Variants in KMT2C observed in about 807,000 individuals in gnomAD.
KMT2C encodes lysine methyltransferase 2C, also known as histone-lysine N-methyltransferase 2C.
KMT2C carries 88 observed loss-of-function variants against 507.9 expected under a neutral mutation model. The ratio of observed to expected loss-of-function variants is 0.17; its 90% CI spans 0.15 to 0.21. KMT2C has a LOEUF of 0.21. Ranked by LOEUF, KMT2C falls within the 10% of genes least tolerant of loss-of-function variation. KMT2C has a pLI of 1.00. For synonymous variants in KMT2C, 2,049 were observed against 2,080.8 expected, an observed-to-expected ratio of 0.98 and a Z score of 0.42; for missense variants, 4,954 against 5,957.8, an observed-to-expected ratio of 0.83 and a Z score of 5.55.
At chr7:152,400,117 G>T (rs2097563277) in intron 1 of KMT2C, among the ~76,000 whole-genome samples, 2 of 132,606 alleles carry the variant, frequency 1.5e-5, no homozygotes, top group Admixed American at 1.4e-4. Context: ...AACCATCCTG[G>T]CTAACAAACA....
At chr7:152,309,290 A>T (rs1178770980) in intron 6 of KMT2C, among the ~76,000 whole-genome samples, 1 of 150,826 alleles carries the variant, frequency 6.6e-6, no homozygotes. Flanking sequence ...AACATACTAC[A>T]TTCCAATGGC....
intron 1 of KMT2C, among the ~76,000 whole-genome samples, chr7:152,386,209 G>GA (rs971685442): frequency 0.081 from 10,895 of 133,940 alleles, 28 homozygotes; most frequent in East Asian, 0.22. Flanking sequence ...TGTTAAAAAA[G>GA]AAAAAAAAAA....
At chr7:152,251,667 T>C (rs1327669339) in intron 11 of KMT2C, among the ~76,000 whole-genome samples, 1 of 152,082 alleles carries the variant, frequency 6.6e-6, no homozygotes, top group Non-Finnish European at 1.5e-5. Flanking sequence ...CTGGGGAACT[T>C]CCACTGTCGG....
intron 1 of KMT2C, among the ~76,000 whole-genome samples, chr7:152,416,427 C>A (rs2097736533): frequency 6.6e-6 from 1 of 152,302 alleles, no homozygotes; most frequent in Non-Finnish European, 1.5e-5. Flanking sequence ...CACCTGTAGT[C>A]CCAGCTACTC....
chr7:152,322,932 C>T (rs756051642), intron 3 of KMT2C, among the ~76,000 whole-genome samples: 4 of 151,998 alleles, frequency 2.6e-5, no homozygotes, highest in Non-Finnish European at 4.4e-5. Context: ...CATCACTACT[C>T]ATTAGGGAAA....
intron 1 of KMT2C, among the ~76,000 whole-genome samples, chr7:152,365,501 G>T (rs1015252138): frequency 6.6e-6 from 1 of 151,946 alleles, no homozygotes; most frequent in South Asian, 2.1e-4. Context: ...GTGAGACCCT[G>T]TCTCAAACAA....
intron 37 of KMT2C, among the ~76,000 whole-genome samples, chr7:152,179,337 G>A (rs1210021504): frequency 2.0e-5 from 3 of 152,236 alleles, no homozygotes; most frequent in African/African-American, 7.2e-5. Context: ...TAGAAATTTG[G>A]AGAGAGGACA....
At chr7:152,197,304 G>C (rs1169373391) in intron 27 of KMT2C, among the ~76,000 whole-genome samples, 1 of 152,168 alleles carries the variant, frequency 6.6e-6, no homozygotes, top group Non-Finnish European at 1.5e-5. Context: ...TGGAACTCTT[G>C]TTTAGGCTAG....
At chr7:152,428,028 G>A (rs1418760067) in intron 1 of KMT2C, among the ~76,000 whole-genome samples, 2 of 151,990 alleles carry the variant, frequency 1.3e-5, no homozygotes, top group African/African-American at 4.8e-5. Context: ...TTACCACAGT[G>A]TTTTTTTAAT....
intron 1 of KMT2C, among the ~76,000 whole-genome samples, chr7:152,371,282 A>C (rs1264542776): frequency 6.6e-6 from 1 of 152,214 alleles, no homozygotes; most frequent in East Asian, 1.9e-4. Context: ...TTAAATGTAA[A>C]GTTGTGGTAT....
chr7:152,180,290 G>A (rs576503340), intron 36 of KMT2C, among the ~76,000 whole-genome samples, 164 bp from the exon 37 acceptor site: 3 of 152,128 alleles, frequency 2.0e-5, no homozygotes, highest in East Asian at 3.9e-4. Flanking sequence ...CAAGTAGCTG[G>A]GATTACAAGC....
At chr7:152,187,971 A>C in intron 31 of KMT2C, 124 bp from the exon 32 acceptor site, 2 of 891,966 alleles carry the variant, frequency 2.2e-6, no homozygotes, top group Non-Finnish European at 3.4e-6. Context: ...CATTTTTTTC[A>C]ACTGAATGTG....
At chr7:152,324,111 A>T (rs867207666) in intron 3 of KMT2C, among the ~76,000 whole-genome samples, 20 of 151,880 alleles carry the variant, frequency 1.3e-4, no homozygotes, top group Admixed American at 1.3e-4. Context: ...GTTTTGAGAT[A>T]TACTACATAG....
At chr7:152,263,182 T>C (rs189795171) in intron 8 of KMT2C, 52 bp from the exon 9 acceptor site, 17 of 1,432,252 alleles carry the variant, frequency 1.2e-5, no homozygotes, top group Non-Finnish European at 1.7e-5. Flanking sequence ...TTATGTTTTG[T>C]AACATAAGTA....
rs946988837 is a variant in KMT2C at position 152,135,042 on chromosome 7, A to G, written c.*1790T>C. 1 of 229,396 alleles carries G rather than the reference A, an allele frequency of 4.4e-6. No homozygotes were observed. Among genetic ancestry groups the G allele is most frequent in the Non-Finnish European group, 8.7e-6 (1 of 115,374 alleles). The allele number at this position is 229,396 out of a possible 1,614,324, so 14.2% of individuals were successfully genotyped here. ...AATTCAATTTTTGCCAACATTAGAT[A>G]CTATTATACAGAACAGAAAACAACA... On this transcript the variant is annotated 3_prime_UTR_variant, in exon 59 of 59. Transcript: ENST00000262189.
At chr7:152,365,050 C>T (rs571056119) in intron 1 of KMT2C, among the ~76,000 whole-genome samples, 6 of 152,046 alleles carry the variant, frequency 3.9e-5, no homozygotes, top group South Asian at 2.1e-4. Flanking sequence ...AAAGAAAATA[C>T]ACATTGCTTA....
chr7:152,402,446 C>A (rs948969655), intron 1 of KMT2C, among the ~76,000 whole-genome samples: 1,679 of 118,154 alleles, frequency 0.014, no homozygotes, highest in Middle Eastern at 0.051. Flanking sequence ...ATCCAAAGAC[C>A]TGAAACTATA....
At chr7:152,153,729 A>AT (rs983054283) in intron 48 of KMT2C, among the ~76,000 whole-genome samples, 3 of 126,990 alleles carry the variant, frequency 2.4e-5, no homozygotes, top group Admixed American at 7.2e-5. Context: ...CTGTGTCTCT[A>AT]TTAAAAAAAA....
intron 1 of KMT2C, among the ~76,000 whole-genome samples, chr7:152,380,512 G>A (rs550628731): frequency 6.6e-6 from 1 of 151,006 alleles, no homozygotes; most frequent in East Asian, 2.0e-4. Flanking sequence ...AGGTTGCAGT[G>A]AGCCGAGATC....
Sources: gnomAD v4.1 joint callset for allele counts (sites outside exome capture counted in the v4.1 genomes callset) on GRCh38, gnomAD v4.1.1 for gene constraint, MANE v1.5 for transcripts, NCBI Gene and HGNC (gene_info 2026-07-23, HGNC 2026-07-21) for gene names.